Variants in TTC27 observed in about 807,000 individuals in gnomAD.
TTC27 encodes the protein tetratricopeptide repeat protein 27.
Under a neutral mutation model 115.9 loss-of-function variants are expected in TTC27, and 79 were observed. That is an observed-to-expected ratio of 0.68 (90% CI 0.57 to 0.82). The LOEUF is 0.82. Ranked by LOEUF, TTC27 falls within the 40% of genes least tolerant of loss-of-function variation. The pLI is 0.00. For missense variants in TTC27, 1,054 were observed against 993.1 expected (o/e 1.06, Z -0.82); for synonymous variants, 401 against 356.0 (o/e 1.13, Z -1.42).
chr2:32,771,938 T>A (rs1381377734), intron 13 of TTC27, among the ~76,000 whole-genome samples: 1 of 152,152 alleles, frequency 6.6e-6, no homozygotes, highest in Non-Finnish European at 1.5e-5. Context: ...CTTTATTATA[T>A]GTGACAGAAA....
chr2:32,653,467 G>A (rs1348487390), intron 5 of TTC27, among the ~76,000 whole-genome samples: 1 of 151,958 alleles, frequency 6.6e-6, no homozygotes, highest in African/African-American at 2.4e-5. Context: ...TGTGGTGTGT[G>A]CCTGTAATCC....
At chr2:32,797,678 A>G (rs924620010) in intron 16 of TTC27, among the ~76,000 whole-genome samples, 4 of 152,250 alleles carry the variant, frequency 2.6e-5, no homozygotes, top group African/African-American at 9.6e-5. Flanking sequence ...ACATAGGGCA[A>G]GAACTTTATA....
chr2:32,743,991 T>C (rs1668733566), intron 12 of TTC27, among the ~76,000 whole-genome samples: 1 of 152,220 alleles, frequency 6.6e-6, no homozygotes, highest in Admixed American at 6.5e-5. Flanking sequence ...GTTGAGTTCA[T>C]CCAATGTTTA....
At chr2:32,678,343 T>C (rs1666292588) in intron 8 of TTC27, among the ~76,000 whole-genome samples, 1 of 152,106 alleles carries the variant, frequency 6.6e-6, no homozygotes, top group Non-Finnish European at 1.5e-5. Flanking sequence ...TATACCTTTA[T>C]ACTTTATACC....
chr2:32,769,609 G>A (rs1407319845), intron 13 of TTC27, among the ~76,000 whole-genome samples: 1 of 151,916 alleles, frequency 6.6e-6, no homozygotes. Flanking sequence ...AGAGAGGGGA[G>A]ATAAATAGGG....
At chr2:32,790,030 G>GA (rs548621427) in intron 16 of TTC27, among the ~76,000 whole-genome samples, 2,706 of 124,754 alleles carry the variant, frequency 0.022, 52 homozygotes, top group Middle Eastern at 0.055. Flanking sequence ...TTTCAGAAAA[G>GA]AAAAAAAAAA....
At chr2:32,788,394 AAGG>A (rs10536032) in intron 16 of TTC27, among the ~76,000 whole-genome samples, 25,081 of 152,016 alleles carry the variant, frequency 0.16, 2,493 homozygotes, top group South Asian at 0.34. Context: ...CCAAGTCAGA[AAGG>A]AGTGTGAAGC....
intron 10 of TTC27, among the ~76,000 whole-genome samples, chr2:32,706,705 C>T (rs1199218281): frequency 6.6e-6 from 1 of 152,010 alleles, no homozygotes; most frequent in African/African-American, 2.4e-5. Flanking sequence ...GCTGGAATTA[C>T]AGGCACGCAC....
chr2:32,723,727 C>CGT lies in TTC27; in HGVS notation c.1234-10101_1234-10100insGT, dbSNP rs1558310880. Reference sequence around the variant, plus strand: ...CCCTCCCTCCCTCCCTCCCTCCCTCCCTCCTTCCTTCCTTCCTTCCTTCCT... The same window carrying CGT: ...CCCTCCCTCCCTCCCTCCCTCCCTCCGTCTCCTTCCTTCCTTCCTTCCTTCCT... On this transcript the variant is annotated intron_variant, in intron 10 of 19. Coordinates refer to ENST00000317907, the MANE Select transcript of TTC27 (RefSeq NM_017735.5). 9.0e-4 allele frequency among the ~76,000 whole-genome samples: 92 copies of CGT among 102,440 alleles called. 5 individuals are homozygous for CGT. Among genetic ancestry groups the CGT allele is most frequent in the African/African-American group, 2.4e-3 (58 of 23,674 alleles). 67.2% of individuals were successfully genotyped at this position (102,440 alleles called of 152,430 possible). A position where few individuals can be genotyped will look rare whatever the true frequency, so the allele number is the denominator to read the frequency against.
chr2:32,710,026 G>A (rs1208230755), intron 10 of TTC27, among the ~76,000 whole-genome samples: 1 of 151,958 alleles, frequency 6.6e-6, no homozygotes, highest in Admixed American at 6.6e-5. Context: ...TTGTTTGTTT[G>A]TATTTGAGAT....
chr2:32,717,267 TCTGG>T (rs1667785950), intron 10 of TTC27, among the ~76,000 whole-genome samples: 1 of 152,016 alleles, frequency 6.6e-6, no homozygotes, highest in Non-Finnish European at 1.5e-5. Flanking sequence ...AGCCACTGTG[TCTGG>T]CCTATATGTT....
intron 10 of TTC27, among the ~76,000 whole-genome samples, chr2:32,727,678 A>C (rs751928929): frequency 6.6e-6 from 1 of 152,188 alleles, no homozygotes; most frequent in Non-Finnish European, 1.5e-5. Context: ...ATCATCTATT[A>C]TGCCATACAT....
At chr2:32,761,290 A>T (rs1208992286) in intron 13 of TTC27, among the ~76,000 whole-genome samples, 1 of 152,102 alleles carries the variant, frequency 6.6e-6, no homozygotes, top group Non-Finnish European at 1.5e-5. Context: ...CCTTCAAAAT[A>T]TGTCCAGAAT....
chr2:32,728,123 C>G (rs1022103875), intron 10 of TTC27, among the ~76,000 whole-genome samples: 1 of 149,308 alleles, frequency 6.7e-6, no homozygotes, highest in African/African-American at 2.5e-5. Flanking sequence ...TCACTGCAAG[C>G]TCCACCTCCC....
At chr2:32,703,966 A>G (rs1572531454) in intron 10 of TTC27, among the ~76,000 whole-genome samples, 1 of 152,184 alleles carries the variant, frequency 6.6e-6, no homozygotes, top group Admixed American at 6.5e-5. Flanking sequence ...CATGGATGGC[A>G]CTGTCTAGGT....
At chr2:32,804,698 G>A (rs889478217) in intron 16 of TTC27, among the ~76,000 whole-genome samples, 1 of 151,704 alleles carries the variant, frequency 6.6e-6, no homozygotes, top group Non-Finnish European at 1.5e-5. Flanking sequence ...GTTTGTGATT[G>A]GCCGATGGAC....
At chr2:32,792,181 T>C (rs1360677738) in intron 16 of TTC27, among the ~76,000 whole-genome samples, 1 of 152,188 alleles carries the variant, frequency 6.6e-6, no homozygotes, top group Non-Finnish European at 1.5e-5. Flanking sequence ...GATGCTTTCT[T>C]TGGGGACAGG....
At chr2:32,645,817 A>G (rs895581789) in intron 4 of TTC27, among the ~76,000 whole-genome samples, 1 of 146,160 alleles carries the variant, frequency 6.8e-6, no homozygotes, top group African/African-American at 2.5e-5. Context: ...CCCGGGTTCA[A>G]GTGATTCTCC....
At chr2:32,699,386 G>T (rs1667107556) in intron 9 of TTC27, among the ~76,000 whole-genome samples, 1 of 152,196 alleles carries the variant, frequency 6.6e-6, no homozygotes, top group African/African-American at 2.4e-5. Context: ...CCTACTGGGG[G>T]GCGTGGTGAA....
Sources: gnomAD v4.1 joint callset for allele counts (sites outside exome capture counted in the v4.1 genomes callset) on GRCh38, gnomAD v4.1.1 for gene constraint, MANE v1.5 for transcripts, NCBI Gene and HGNC (gene_info 2026-07-23, HGNC 2026-07-21) for gene names.